The following FHOD3 variants were observed in gnomAD, a reference collection of about 807,000 sequenced individuals.
The protein encoded by FHOD3 is formin homology 2 domain containing 3.
FHOD3 carries 90 observed loss-of-function variants against 173.0 expected under a neutral mutation model. The ratio of observed to expected loss-of-function variants is 0.52; its 90% CI spans 0.44 to 0.62. The LOEUF is 0.62. FHOD3 is among the 20% of genes least tolerant of loss of function. The pLI is 0.00. For synonymous variants in FHOD3, 828 were observed against 823.0 expected (o/e 1.01, Z -0.10); for missense variants, 1,945 against 2,034.7 (o/e 0.96, Z 0.85).
intron 3 of FHOD3, among the ~76,000 whole-genome samples, chr18:36,481,001 C>G (rs990088250): frequency 7.2e-6 from 1 of 138,320 alleles, no homozygotes; most frequent in Admixed American, 7.4e-5. Flanking sequence ...GTAGGCCAGG[C>G]TGGGCATATT....
At chr18:36,509,688 C>A (rs2055526604) in intron 4 of FHOD3, among the ~76,000 whole-genome samples, 1 of 152,130 alleles carries the variant, frequency 6.6e-6, no homozygotes, top group South Asian at 2.1e-4. Context: ...TGATTGGCAC[C>A]TGGGGTTCAC....
chr18:36,478,605 A>G (rs759973568), intron 3 of FHOD3, among the ~76,000 whole-genome samples: 7 of 152,134 alleles, frequency 4.6e-5, no homozygotes, highest in African/African-American at 7.2e-5. Flanking sequence ...CACTTTACAG[A>G]TATTTATCAA....
intron 28 of FHOD3, among the ~76,000 whole-genome samples, chr18:36,769,661 T>C (rs2043289258): frequency 6.6e-6 from 1 of 152,158 alleles, no homozygotes; most frequent in Non-Finnish European, 1.5e-5. Flanking sequence ...GCTAGGCCTC[T>C]CTCAATTCAT....
chr18:36,745,858 G>A (rs1290037512), intron 23 of FHOD3, among the ~76,000 whole-genome samples: 1 of 144,124 alleles, frequency 6.9e-6, no homozygotes, highest in African/African-American at 2.6e-5. Flanking sequence ...CACCCTCCAC[G>A]CACCTCGTGC....
intron 3 of FHOD3, among the ~76,000 whole-genome samples, chr18:36,400,425 C>A (rs989218576): frequency 1.3e-5 from 2 of 152,202 alleles, no homozygotes; most frequent in African/African-American, 4.8e-5. Context: ...ACAGCTCTTT[C>A]CTGGAGACCT....
At chr18:36,313,646 T>A (rs1568109105) in intron 1 of FHOD3, among the ~76,000 whole-genome samples, 1 of 152,230 alleles carries the variant, frequency 6.6e-6, no homozygotes, top group Non-Finnish European at 1.5e-5. Flanking sequence ...GGTATGGATA[T>A]CCCACAGTTT....
chr18:36,774,498 G>A (rs750167774), intron 28 of FHOD3, among the ~76,000 whole-genome samples: 1 of 152,078 alleles, frequency 6.6e-6, no homozygotes, highest in Non-Finnish European at 1.5e-5. Context: ...CCCAAACCTG[G>A]ACATCTGATT....
intron 28 of FHOD3, among the ~76,000 whole-genome samples, chr18:36,775,795 A>C (rs2043605271): frequency 6.6e-6 from 1 of 152,154 alleles, no homozygotes; most frequent in African/African-American, 2.4e-5. Flanking sequence ...CATCACTTTG[A>C]CACCGTGAGA....
chr18:36,297,884 T>G lies in FHOD3; in HGVS notation c.49T>G (p.Phe17Val), dbSNP rs1302450611. 1 of 1,556,464 alleles carries G rather than the reference T, an allele frequency of 6.4e-7. No homozygotes were observed. The highest frequency in any genetic ancestry group is 8.7e-7 in the Non-Finnish European group (1 of 1,151,624). Residue 17 changes from phenylalanine to valine, a missense_variant, in exon 1 of 29, where the codon TTC becomes GTC. Phe to Val is a conservative substitution (Grantham distance 50). Around this residue, in one of 5 missense-constraint regions of FHOD3, gnomAD observed 245 missense variants for 267.7 expected, o/e 0.92. Transcript: ENST00000590592. Reference protein sequence around the residue: ...RVQFLDDTDPFNSTNFPEPSR... With the variant: ...RVQFLDDTDPVNSTNFPEPSR... ...GCAGTTCTTGGACGACACGGACCCT[T>G]TCAACAGCACCAACTTCCCCGAGCC... is the stretch of plus-strand genomic sequence containing the variant.
chr18:36,352,993 G>A (rs2046203052), intron 1 of FHOD3, among the ~76,000 whole-genome samples: 1 of 152,176 alleles, frequency 6.6e-6, no homozygotes, highest in African/African-American at 2.4e-5. Flanking sequence ...ACTGGTGATG[G>A]TTGGCTCAGG....
At chr18:36,564,401 A>G (rs1426883943) in intron 5 of FHOD3, among the ~76,000 whole-genome samples, 1 of 152,004 alleles carries the variant, frequency 6.6e-6, no homozygotes, top group Admixed American at 6.5e-5. Context: ...AATATGGGGG[A>G]CTGTAGAACG....
At chr18:36,364,581 G>C (rs541426393) in intron 2 of FHOD3, among the ~76,000 whole-genome samples, 3 of 152,194 alleles carry the variant, frequency 2.0e-5, no homozygotes, top group Non-Finnish European at 2.9e-5. Flanking sequence ...TGCTGGCTGG[G>C]TGTGCTGCTT....
chr18:36,443,791 C>T (rs2051292705), intron 3 of FHOD3, among the ~76,000 whole-genome samples: 1 of 152,144 alleles, frequency 6.6e-6, no homozygotes, highest in Non-Finnish European at 1.5e-5. Context: ...TGAGTTTGTA[C>T]TGATGTGACC....
chr18:36,578,017 G>A (rs1475711396), intron 6 of FHOD3, among the ~76,000 whole-genome samples: 1 of 152,182 alleles, frequency 6.6e-6, no homozygotes, highest in African/African-American at 2.4e-5. Context: ...GATCAGAGTG[G>A]CTGTAGTGGG....
chr18:36,718,328 T>G lies in FHOD3; in HGVS notation c.3030T>G (p.Asp1010Glu). The change falls in exon 19 of 29, where the codon GAT becomes GAG. Residue 1010 changes from aspartate (D) to glutamate (E), a missense_variant. Coordinates refer to ENST00000590592, the MANE Select transcript of FHOD3 (RefSeq NM_001281740.3). ...AGGAGGATGACATTGATGTCCTAGA[T>G]GTGGACCTGGGTCACAGGGAGGCCC... ...LGEEDDIDVL[D>E]VDLGHREAPG... 6.2e-7 allele frequency: 1 copy of G among 1,614,038 alleles called. No individual in the cohort carries two copies. The highest frequency in any genetic ancestry group is 8.5e-7 in the Non-Finnish European group (1 of 1,180,010).
At chr18:36,460,598 C>T (rs988516719) in intron 3 of FHOD3, among the ~76,000 whole-genome samples, 3 of 152,192 alleles carry the variant, frequency 2.0e-5, no homozygotes, top group Non-Finnish European at 2.9e-5. Flanking sequence ...TAGCTCCTAA[C>T]CTGTGTGCTC....
At chr18:36,584,131 GTT>G (rs1012510698) in intron 6 of FHOD3, among the ~76,000 whole-genome samples, 2 of 152,160 alleles carry the variant, frequency 1.3e-5, no homozygotes, top group African/African-American at 4.8e-5. Flanking sequence ...CCCAGCCTGA[GTT>G]TTTCCTGCTG....
intron 5 of FHOD3, among the ~76,000 whole-genome samples, chr18:36,541,458 G>C (rs1270756950): frequency 6.6e-6 from 1 of 152,060 alleles, no homozygotes; most frequent in East Asian, 1.9e-4. Flanking sequence ...TCAGGAGGCT[G>C]AGGCACCAGG....
At chr18:36,496,901 C>T (rs1227018923) in intron 3 of FHOD3, among the ~76,000 whole-genome samples, 1 of 152,120 alleles carries the variant, frequency 6.6e-6, no homozygotes, top group Admixed American at 6.5e-5. Flanking sequence ...CTGATCAAGA[C>T]CTTGTCTGGT....
Sources: gnomAD v4.1 joint callset for allele counts (sites outside exome capture counted in the v4.1 genomes callset) on GRCh38, gnomAD v4.1.1 for gene constraint, gnomAD v4.1.1 regional missense constraint, MANE v1.5 for transcripts, NCBI Gene and HGNC (gene_info 2026-07-23, HGNC 2026-07-21) for gene names.